The following LPIN1 variants were observed in gnomAD, a reference collection of about 807,000 sequenced individuals.
LPIN1 encodes the protein lipin 1.
A neutral mutation model predicts 107.5 loss-of-function variants in LPIN1; 71 were observed. The observed-to-expected ratio is 0.66, with a 90% CI of 0.55 to 0.80. The LOEUF (loss-of-function observed/expected upper bound fraction) is 0.80. Among genes scored for constraint, LPIN1 ranks in the 30% least tolerant of loss-of-function variants. The probability of loss-of-function intolerance (pLI) is 0.00; values close to 1 mark genes in which losing one functional copy is unlikely to be tolerated. For synonymous variants in LPIN1, 445 were observed against 452.6 expected, an observed-to-expected ratio of 0.98 and a Z score of 0.21; for missense variants, 1,043 against 1,160.6, an observed-to-expected ratio of 0.90 and a Z score of 1.47.
intron 12 of LPIN1, 148 bp from the exon 13 acceptor site, chr2:11,791,766 A>G (rs1321292531): frequency 1.3e-6 from 2 of 1,490,806 alleles, no homozygotes; most frequent in South Asian, 2.4e-5. Flanking sequence ...TGCTTCTCTA[A>G]AATTTTTAAC....
chr2:11,788,631 G>A (rs555945037), intron 12 of LPIN1, among the ~76,000 whole-genome samples, 175 bp downstream of exon 12: 193 of 152,276 alleles, frequency 1.3e-3, no homozygotes, highest in African/African-American at 4.5e-3. Context: ...CACCTTGCAC[G>A]TGGTTGCCCC....
intron 14 of LPIN1, among the ~76,000 whole-genome samples, chr2:11,800,392 A>G (rs796195599): frequency 5.9e-5 from 9 of 152,174 alleles, no homozygotes; most frequent in African/African-American, 1.7e-4. Context: ...ATTGGGCAGT[A>G]TTGGGTTGTA....
intron 1 of LPIN1, among the ~76,000 whole-genome samples, chr2:11,710,873 G>A (rs1663372536): frequency 6.6e-6 from 1 of 151,890 alleles, no homozygotes; most frequent in Non-Finnish European, 1.5e-5. Flanking sequence ...AAATAGTTGT[G>A]GGCAGAATGA....
intron 1 of LPIN1, among the ~76,000 whole-genome samples, chr2:11,696,783 C>T (rs555834079): frequency 3.3e-4 from 51 of 152,342 alleles, no homozygotes; most frequent in African/African-American, 1.1e-3. Flanking sequence ...AGCAGTGGCC[C>T]GAGGGAGCTC....
chr2:11,776,014 T>C, intron 5 of LPIN1, 72 bp from the exon 6 acceptor site: 1 of 655,482 alleles, frequency 1.5e-6, no homozygotes, highest in Non-Finnish European at 2.7e-6. Context: ...ATATACTTTA[T>C]ATAATCTCAC....
At chr2:11,685,297 G>A (rs959720922) in intron 1 of LPIN1, among the ~76,000 whole-genome samples, 10 of 152,312 alleles carry the variant, frequency 6.6e-5, no homozygotes, top group Admixed American at 3.9e-4. Context: ...GTGTGAGAGC[G>A]GTGTGGAGGC....
rs1038355179 is a variant in LPIN1, at chr2:11,786,807, C to T, written c.1550-267C>T. ...CACGTGTGTGCTGTTTTCACCCCTA[C>T]TCCCTGTGTGAACGTATGTGCCTCA... On this transcript the variant is annotated intron_variant, in intron 10 of 20. Transcript: ENST00000674199. The surrounding 1 kb of genome is among the most constrained non-coding windows in gnomAD (Gnocchi z 4.1). Among the ~76,000 whole-genome samples the T allele has an allele frequency of 6.6e-6, 1 of 152,240 alleles. No homozygotes were observed. Among genetic ancestry groups the T allele is most frequent in the Non-Finnish European group, 1.5e-5 (1 of 68,040 alleles).
At chr2:11,689,300 A>G (rs1662157290) in intron 1 of LPIN1, among the ~76,000 whole-genome samples, 1 of 152,200 alleles carries the variant, frequency 6.6e-6, no homozygotes, top group Admixed American at 6.5e-5. Context: ...ATTTTTTCGC[A>G]TGAATTGCTG....
At chr2:11,790,941 A>G (rs1675612861) in intron 12 of LPIN1, among the ~76,000 whole-genome samples, 1 of 151,494 alleles carries the variant, frequency 6.6e-6, no homozygotes, top group Admixed American at 6.6e-5. Flanking sequence ...GACTGAAAAT[A>G]CTCCTGTTTG....
At chr2:11,795,978 T>G (rs1676643508) in intron 14 of LPIN1, among the ~76,000 whole-genome samples, 1 of 152,252 alleles carries the variant, frequency 6.6e-6, no homozygotes, top group Non-Finnish European at 1.5e-5. Flanking sequence ...TTGATGATAC[T>G]GATCCGTATT....
intron 1 of LPIN1, among the ~76,000 whole-genome samples, chr2:11,690,503 A>G (rs769821231): frequency 2.0e-4 from 31 of 152,242 alleles, no homozygotes; most frequent in Non-Finnish European, 1.6e-4. Flanking sequence ...TCACTCGTTC[A>G]TCAATTTTGG....
intron 1 of LPIN1, among the ~76,000 whole-genome samples, chr2:11,735,031 C>T (rs899102698): frequency 1.3e-5 from 2 of 152,158 alleles, no homozygotes; most frequent in African/African-American, 4.8e-5. Context: ...GTGGCTCATG[C>T]TTGTAATCCC....
At chr2:11,714,548 G>C (rs985711592) in intron 2 of LPIN1, among the ~76,000 whole-genome samples, 10 of 152,142 alleles carry the variant, frequency 6.6e-5, no homozygotes, top group Admixed American at 4.6e-4. Context: ...CTTTCTCCTC[G>C]GGCCTTCACC....
chr2:11,762,111 G>A (rs922397908), intron 1 of LPIN1, among the ~76,000 whole-genome samples: 2 of 151,918 alleles, frequency 1.3e-5, no homozygotes, highest in African/African-American at 2.4e-5. Flanking sequence ...CCCCCTCCTC[G>A]CGTTCATTCC....
chr2:11,807,285 G>A (rs866656393), intron 17 of LPIN1, among the ~76,000 whole-genome samples: 2 of 152,134 alleles, frequency 1.3e-5, no homozygotes, highest in South Asian at 2.1e-4. Flanking sequence ...GTGCAGCGTC[G>A]CCTCCCCACA....
intron 1 of LPIN1, among the ~76,000 whole-genome samples, chr2:11,730,689 T>C (rs1009955789): frequency 6.6e-6 from 1 of 152,216 alleles, no homozygotes; most frequent in Admixed American, 6.5e-5. Flanking sequence ...GTTGGGGGCT[T>C]GAGTTACTCT....
At chr2:11,718,720 C>T (rs1663916011) in intron 2 of LPIN1, among the ~76,000 whole-genome samples, 1 of 152,162 alleles carries the variant, frequency 6.6e-6, no homozygotes, top group South Asian at 2.1e-4. Context: ...TTTTTTCCTA[C>T]TGGAAGCTTT....
intron 1 of LPIN1, among the ~76,000 whole-genome samples, chr2:11,752,494 G>T: frequency 7.6e-6 from 1 of 131,280 alleles, no homozygotes; most frequent in Non-Finnish European, 1.5e-5. Context: ...TGCAGTGGCG[G>T]GATCTCGGCT....
At chr2:11,754,339 G>A (rs1208132533) in intron 1 of LPIN1, among the ~76,000 whole-genome samples, 11 of 152,214 alleles carry the variant, frequency 7.2e-5, no homozygotes, top group African/African-American at 2.2e-4. Context: ...GTGACAGATC[G>A]TGTTTGCTCT....
Sources: allele counts gnomAD v4.1 joint callset (sites outside exome capture counted in the v4.1 genomes callset), GRCh38; gene constraint gnomAD v4.1.1; non-coding constraint Gnocchi (gnomAD v3.1); transcripts MANE v1.5; gene names NCBI Gene and HGNC (gene_info 2026-07-23, HGNC 2026-07-21).